The following ATAD2B variants were observed in gnomAD, a reference collection of about 807,000 sequenced individuals.
The protein encoded by ATAD2B is ATPase family AAA domain-containing protein 2B.
Under a neutral mutation model 167.6 loss-of-function variants are expected in ATAD2B, and 40 were observed. That is an observed-to-expected ratio of 0.24 (90% CI 0.19 to 0.31). ATAD2B has a LOEUF of 0.31. Ranked by LOEUF, ATAD2B falls within the 10% of genes least tolerant of loss-of-function variation. The probability of loss-of-function intolerance (pLI) is 1.00; values close to 1 mark genes in which losing one functional copy is unlikely to be tolerated. For missense variants in ATAD2B, 1,242 were observed against 1,757.2 expected (o/e 0.71, Z 5.24); for synonymous variants, 579 against 596.5 (o/e 0.97, Z 0.43).
rs1454300793 is a variant in ATAD2B at position 23,751,582 on chromosome 2, T to C, written c.*464A>G. ...AACTCTAAAACAGGTTTCAGTCCAT[T>C]ACCCAGATGGGGGAAAAATATGATT... On this transcript the variant is annotated 3_prime_UTR_variant, in exon 28 of 28. Transcript: ENST00000238789. 1 of 158,372 alleles carries C rather than the reference T, an allele frequency of 6.3e-6. No individual in the cohort carries two copies. Among genetic ancestry groups the C allele is most frequent in the African/African-American group, 2.4e-5 (1 of 41,454 alleles). The allele number at this position is 158,372 out of a possible 1,614,324, so 9.8% of individuals were successfully genotyped here.
At chr2:23,913,492 T>C (rs773021103) in intron 1 of ATAD2B, among the ~76,000 whole-genome samples, 43 of 151,924 alleles carry the variant, frequency 2.8e-4, no homozygotes, top group Non-Finnish European at 1.5e-4. Flanking sequence ...ATACAAAAAT[T>C]AGCTGGGCGT....
intron 25 of ATAD2B, 34 bp from the exon 26 acceptor site, chr2:23,754,808 G>C (rs1254925753): frequency 6.3e-7 from 1 of 1,591,652 alleles, no homozygotes; most frequent in South Asian, 1.1e-5. Flanking sequence ...ACTGCAGCAA[G>C]TAAAAGTTAA....
At chr2:23,880,852 C>A (rs1382637849) in intron 6 of ATAD2B, 97 bp from the exon 7 acceptor site, 11 of 730,300 alleles carry the variant, frequency 1.5e-5, no homozygotes, top group Non-Finnish European at 2.5e-5. Context: ...TTATCCATTA[C>A]TCTTTCTGCA....
At chr2:23,916,884 G>C (rs893021378) in intron 1 of ATAD2B, among the ~76,000 whole-genome samples, 1 of 152,182 alleles carries the variant, frequency 6.6e-6, no homozygotes, top group African/African-American at 2.4e-5. Context: ...AGACCTGAGG[G>C]AAGGGCTATT....
intron 23 of ATAD2B, 90 bp from the exon 24 acceptor site, chr2:23,762,436 G>A: frequency 2.2e-6 from 3 of 1,355,302 alleles, no homozygotes; most frequent in Non-Finnish European, 3.0e-6. Flanking sequence ...ACAAAACTGA[G>A]TTTTAAAGTC....
chr2:23,746,721 G>C (rs557900430), downstream of ATAD2B, among the ~76,000 whole-genome samples: 1 of 152,284 alleles, frequency 6.6e-6, no homozygotes, highest in South Asian at 2.1e-4. Context: ...AGAAGATAAA[G>C]TTCAGGTTGA....
intron 1 of ATAD2B, among the ~76,000 whole-genome samples, chr2:23,904,750 T>C (rs1236268548): frequency 3.3e-5 from 5 of 152,170 alleles, no homozygotes; most frequent in Non-Finnish European, 5.9e-5. Context: ...GATTTCCTTA[T>C]AGGACAGGCT....
chr2:23,923,040 G>A (rs1028526942), intron 1 of ATAD2B, among the ~76,000 whole-genome samples: 2 of 152,126 alleles, frequency 1.3e-5, no homozygotes, highest in African/African-American at 4.8e-5. Context: ...TTAGGATTTC[G>A]ACGGACATCT....
chr2:23,786,325 C>T (rs1165578978), intron 20 of ATAD2B, 102 bp from the exon 21 acceptor site: 3 of 984,944 alleles, frequency 3.0e-6, no homozygotes, highest in East Asian at 5.2e-5. Flanking sequence ...ATTACAAATA[C>T]AGTCATGTGT....
chr2:23,795,012 C>T (rs1682381893), intron 19 of ATAD2B, among the ~76,000 whole-genome samples: 1 of 152,082 alleles, frequency 6.6e-6, no homozygotes, highest in Non-Finnish European at 1.5e-5. Context: ...ACTAATAAGA[C>T]ACTAATCATG....
intron 14 of ATAD2B, among the ~76,000 whole-genome samples, chr2:23,829,416 T>G (rs1688711452): frequency 6.6e-6 from 1 of 152,178 alleles, no homozygotes; most frequent in Non-Finnish European, 1.5e-5. Context: ...TAACTTAAAC[T>G]TGAAAAAAGT....
chr2:23,874,321 C>T (rs1384130647), intron 8 of ATAD2B, among the ~76,000 whole-genome samples: 1 of 151,956 alleles, frequency 6.6e-6, no homozygotes, highest in Non-Finnish European at 1.5e-5. Flanking sequence ...TAGAGGAAAC[C>T]ATAGGAACAA....
intron 27 of ATAD2B, 144 bp downstream of exon 27, chr2:23,754,035 A>C (rs1380796555): frequency 1.5e-6 from 1 of 666,722 alleles, no homozygotes; most frequent in African/African-American, 1.9e-5. Flanking sequence ...GTAACTCTTA[A>C]TGATTTTTGT....
chr2:23,855,947 G>C (rs975353306), intron 13 of ATAD2B: 6 of 152,314 alleles, frequency 3.9e-5, no homozygotes, highest in Non-Finnish European at 8.8e-5. Context: ...CCAGCACTTT[G>C]GGAGCCTGAG....
intron 22 of ATAD2B, among the ~76,000 whole-genome samples, chr2:23,770,712 T>G (rs1244960920): frequency 6.6e-6 from 1 of 152,232 alleles, no homozygotes; most frequent in Non-Finnish European, 1.5e-5. Flanking sequence ...TTGTCAAACT[T>G]CATGCCAACA....
chr2:23,794,130 C>T (rs559534008), intron 19 of ATAD2B, among the ~76,000 whole-genome samples: 2 of 152,260 alleles, frequency 1.3e-5, no homozygotes, highest in African/African-American at 4.8e-5. Flanking sequence ...CCACCTCAGC[C>T]TCCTGAATAG....
intron 18 of ATAD2B, among the ~76,000 whole-genome samples, chr2:23,805,262 T>C (rs550355289): frequency 8.5e-5 from 13 of 152,278 alleles, no homozygotes; most frequent in Non-Finnish European, 1.6e-4. Context: ...CTAAACAGTA[T>C]AGCATAAACT....
At chr2:23,781,525 C>G (rs1231283684) in intron 22 of ATAD2B, among the ~76,000 whole-genome samples, 1 of 151,712 alleles carries the variant, frequency 6.6e-6, no homozygotes, top group Non-Finnish European at 1.5e-5. Flanking sequence ...ATTAGCTGGA[C>G]GTGGTGGCAG....
At chr2:23,732,009 T>C in the ATAD2B span, among the ~76,000 whole-genome samples, 1 of 147,140 alleles carries the variant, frequency 6.8e-6, no homozygotes, top group Non-Finnish European at 1.5e-5. Flanking sequence ...CTTAATGAGA[T>C]ATTTCATATT....
Sources: gnomAD v4.1 joint callset for allele counts (sites outside exome capture counted in the v4.1 genomes callset) on GRCh38, gnomAD v4.1.1 for gene constraint, MANE v1.5 for transcripts, NCBI Gene and HGNC (gene_info 2026-07-23, HGNC 2026-07-21) for gene names.